The following ARL15 variants were observed in gnomAD, a reference collection of about 807,000 sequenced individuals.
ARL15 encodes ARF like GTPase 15.
In ARL15, 19 loss-of-function variants were observed where a neutral mutation model predicts 25.2. The ratio of observed to expected loss-of-function variants is 0.75; its 90% CI spans 0.53 to 1.10. The LOEUF (loss-of-function observed/expected upper bound fraction) is 1.10. ARL15 is among the 50% of genes least tolerant of loss of function. The pLI, the probability that ARL15 is intolerant of heterozygous loss-of-function variation, is 0.00. For missense variants in ARL15, 220 were observed against 246.0 expected (o/e 0.89, Z 0.71); for synonymous variants, 94 against 86.8 (o/e 1.08, Z -0.46).
At chr5:53,933,642 C>CA (rs34912827) in intron 4 of ARL15, among the ~76,000 whole-genome samples, 13,542 of 75,916 alleles carry the variant, frequency 0.18, 2,433 homozygotes, top group African/African-American at 0.4. Flanking sequence ...GAGACTGTCT[C>CA]AAAAAAAAAA....
At chr5:53,968,675 T>C (rs1208902345) in intron 4 of ARL15, among the ~76,000 whole-genome samples, 2 of 151,944 alleles carry the variant, frequency 1.3e-5, no homozygotes, top group African/African-American at 4.8e-5. Context: ...CATTCATTCA[T>C]TCATTTTGTA....
chr5:54,029,375 CACT>C (rs527390590), intron 4 of ARL15, among the ~76,000 whole-genome samples: 1,802 of 134,066 alleles, frequency 0.013, 44 homozygotes, highest in Middle Eastern at 0.023. Context: ...CCACCACCAC[CACT>C]ACACCTAGAG....
In ARL15 at chr5:53,928,970, C is replaced by G. The variant is rs562143218; in HGVS notation, c.463-42257G>C. 2.0e-5 allele frequency among the ~76,000 whole-genome samples: 3 copies of G among 152,210 alleles called. No individual in the cohort carries two copies. In the Middle Eastern group the frequency reaches 0.01, roughly 518 times the overall value. ...AATTTGCCAGTTTGTATAGGGCCCA[C>G]GTATTTATACTTTAGCAAAAGCACT... On this transcript the variant is annotated intron_variant, in intron 4 of 4. Coordinates refer to ENST00000504924, the MANE Select transcript of ARL15 (RefSeq NM_019087.3).
chr5:54,030,680 G>T (rs1444060714), intron 4 of ARL15, among the ~76,000 whole-genome samples: 2 of 152,136 alleles, frequency 1.3e-5, no homozygotes, highest in Non-Finnish European at 2.9e-5. Flanking sequence ...AATAAAGGCA[G>T]GCAAACAAGC....
At chr5:54,142,746 T>C (rs185343756) in intron 3 of ARL15, among the ~76,000 whole-genome samples, 2 of 152,302 alleles carry the variant, frequency 1.3e-5, no homozygotes, top group Admixed American at 1.3e-4. Flanking sequence ...CATCTGACAA[T>C]AAATGAGTCT....
intron 3 of ARL15, among the ~76,000 whole-genome samples, chr5:54,114,213 C>T (rs915056436): frequency 3.3e-5 from 5 of 151,938 alleles, no homozygotes; most frequent in Non-Finnish European, 5.9e-5. Context: ...GCCTGGCCAA[C>T]ATGGTGAAAC....
Position 54,154,620 on chromosome 5 carries a change from C to T in ARL15, c.213G>A (p.Val71=), listed in dbSNP as rs967310581. Residue 71 remains valine (V), a synonymous_variant, in exon 3 of 5, where the codon GTG becomes GTA. Coordinates refer to ENST00000504924, the MANE Select transcript of ARL15 (RefSeq NM_019087.3). ...CATTCAAGATGGCATTCTGGAATGG[C>T]ACTGCTTTAATACTAAAACCTAAAA... ...VSTTGFSIKA[V]PFQNAILNVK... 1 of 1,526,070 alleles carries T rather than the reference C, an allele frequency of 6.6e-7. No individual in the cohort carries two copies. Among genetic ancestry groups the T allele is most frequent in the Non-Finnish European group, 8.8e-7 (1 of 1,138,436 alleles). The allele number at this position is 1,526,070 out of a possible 1,614,324, so 94.5% of individuals were successfully genotyped here.
At chr5:54,285,299 C>G in intron 1 of ARL15, 2 of 821,838 alleles carry the variant, frequency 2.4e-6, no homozygotes, top group Non-Finnish European at 2.9e-6. Context: ...ATGCCTAAGA[C>G]AGAAAAAGAA....
intron 4 of ARL15, among the ~76,000 whole-genome samples, chr5:53,926,640 T>G (rs1363726559): frequency 6.6e-6 from 1 of 152,130 alleles, no homozygotes; most frequent in African/African-American, 2.4e-5. Flanking sequence ...TTCTTCAGAT[T>G]GTTCTACGCC....
chr5:54,257,783 A>G (rs1380817084), intron 1 of ARL15, among the ~76,000 whole-genome samples: 6 of 152,200 alleles, frequency 3.9e-5, no homozygotes, highest in Admixed American at 6.5e-5. Context: ...CCACACAAAG[A>G]AAGTGCTGGA....
intron 4 of ARL15, among the ~76,000 whole-genome samples, chr5:54,096,795 A>G (rs553149847): frequency 8.5e-5 from 13 of 152,314 alleles, no homozygotes; most frequent in Admixed American, 2.6e-4. Flanking sequence ...GCTTTTGCCA[A>G]TTTGTAGATA....
intron 2 of ARL15, among the ~76,000 whole-genome samples, chr5:54,171,179 C>A (rs1489097716): frequency 6.6e-6 from 1 of 152,128 alleles, no homozygotes; most frequent in East Asian, 1.9e-4. Flanking sequence ...TGTTTAGTAG[C>A]ACCACTGGCC....
rs867284135 is a variant in ARL15, at chr5:54,250,823, A to T, written c.48+59609T>A. Among the ~76,000 whole-genome samples, 26 of 152,258 alleles carry T rather than the reference A, an allele frequency of 1.7e-4. No homozygotes were observed. The Middle Eastern group carries it at 0.01, about 60-fold the overall frequency. On this transcript the variant is annotated intron_variant, in intron 1 of 4. Coordinates refer to ENST00000504924, the MANE Select transcript of ARL15 (RefSeq NM_019087.3). ...TGATCCCAGAACAACCCAGCTCTGGAGAGATCTAGACTTACAAGTAGGCAC... is the reference window on the plus strand; with the variant it reads ...TGATCCCAGAACAACCCAGCTCTGGTGAGATCTAGACTTACAAGTAGGCAC...
intron 1 of ARL15, among the ~76,000 whole-genome samples, chr5:54,278,513 C>G (rs1459601253): frequency 6.6e-6 from 1 of 152,204 alleles, no homozygotes; most frequent in Non-Finnish European, 1.5e-5. Flanking sequence ...TGATACATCC[C>G]TACATTACAT....
At chr5:53,888,350 A>T (rs1744602935) in intron 4 of ARL15, among the ~76,000 whole-genome samples, 1 of 152,068 alleles carries the variant, frequency 6.6e-6, no homozygotes, top group African/African-American at 2.4e-5. Context: ...GTAGGAACAC[A>T]GCTCACTGCA....
At chr5:53,941,667 C>T (rs565343182) in intron 4 of ARL15, among the ~76,000 whole-genome samples, 32 of 152,306 alleles carry the variant, frequency 2.1e-4, no homozygotes, top group South Asian at 1.4e-3. Context: ...ATTTGCCAGT[C>T]CACTTCACAT....
intron 4 of ARL15, among the ~76,000 whole-genome samples, chr5:53,907,522 G>T (rs1238274926): frequency 1.4e-5 from 1 of 69,820 alleles, no homozygotes; most frequent in Non-Finnish European, 2.6e-5. Context: ...TTTTGAGGCG[G>T]ACTCTTACTC....
At chr5:54,040,500 A>G (rs1750304689) in intron 4 of ARL15, among the ~76,000 whole-genome samples, 1 of 152,194 alleles carries the variant, frequency 6.6e-6, no homozygotes, top group African/African-American at 2.4e-5. Flanking sequence ...AGCACCTAAA[A>G]GCTTGGATTC....
rs553935331 is a variant in ARL15 at position 53,922,738 on chromosome 5, G to T, written c.463-36025C>A. On this transcript the variant is annotated intron_variant, in intron 4 of 4. Transcript: ENST00000504924. Reference sequence around the variant, plus strand: ...TGTAGTGATGTATTGATGGAATATTGCTTGACTTGTGAACAACAGCTCCAT... The same window carrying T: ...TGTAGTGATGTATTGATGGAATATTTCTTGACTTGTGAACAACAGCTCCAT... Among the ~76,000 whole-genome samples, 2 of 152,306 alleles carry T rather than the reference G, an allele frequency of 1.3e-5. 1 individual carries two copies. The highest frequency in any genetic ancestry group is 4.1e-4 in the South Asian group (2 of 4,830).
Sources: allele counts gnomAD v4.1 joint callset (sites outside exome capture counted in the v4.1 genomes callset), GRCh38; gene constraint gnomAD v4.1.1; transcripts MANE v1.5; gene names NCBI Gene and HGNC (gene_info 2026-07-23, HGNC 2026-07-21).